Variants in MIER2 observed in about 807,000 individuals in gnomAD.
MIER2 encodes MIER family member 2, also known as mesoderm induction early response protein 2.
Under a neutral mutation model 67.6 loss-of-function variants are expected in MIER2, and 30 were observed. That is an observed-to-expected ratio of 0.44 (90% CI 0.33 to 0.60). The LOEUF (loss-of-function observed/expected upper bound fraction) is 0.60, where lower values mean the gene tolerates loss of function less well. Among genes scored for constraint, MIER2 ranks in the 20% least tolerant of loss-of-function variants. The pLI is 0.02. For synonymous variants in MIER2, 372 were observed against 312.6 expected, an observed-to-expected ratio of 1.19 and a Z score of -2.00; for missense variants, 702 against 745.1, an observed-to-expected ratio of 0.94 and a Z score of 0.67.
chr19:330,555 G>GAAA (rs560773666), intron 3 of MIER2, among the ~76,000 whole-genome samples: 4 of 73,858 alleles, frequency 5.4e-5, no homozygotes, highest in Admixed American at 3.1e-4. Context: ...TCAAAAAAAA[G>GAAA]AAAAAAAAAA....
At chr19:341,210 C>T (rs760372071) in intron 1 of MIER2, among the ~76,000 whole-genome samples, 3 of 152,178 alleles carry the variant, frequency 2.0e-5, no homozygotes, top group East Asian at 1.9e-4. Context: ...TTTCTACTCC[C>T]GCAACCAGGA....
intron 7 of MIER2, among the ~76,000 whole-genome samples, chr19:323,508 AGAC>A (rs1224955663): frequency 2.6e-5 from 4 of 152,048 alleles, no homozygotes; most frequent in African/African-American, 9.7e-5. Context: ...ACAACCACAC[AGAC>A]GACTCAAATG....
chr19:310,685 A>ACAGCCCCG (rs1218284718), intron 10 of MIER2, among the ~76,000 whole-genome samples: 27 of 55,530 alleles, frequency 4.9e-4, no homozygotes, highest in African/African-American at 2.8e-3. Context: ...AACACAGCCC[A>ACAGCCCCG]GAGCTATAGA....
chr19:344,667 A>G (rs1972666055), intron 1 of MIER2, 107 bp downstream of exon 1: 2 of 748,148 alleles, frequency 2.7e-6, no homozygotes, highest in Non-Finnish European at 1.7e-6. Context: ...TCAGAGCTCC[A>G]GAGCGGGGCT....
chr19:307,642 C>CTTT (rs1429979685), intron 12 of MIER2, 106 bp from the exon 13 acceptor site: 4 of 1,189,924 alleles, frequency 3.4e-6, no homozygotes, highest in Non-Finnish European at 4.5e-6. Flanking sequence ...GGATCCCTCC[C>CTTT]CAGAAAAGCC....
chr19:326,523 G>A lies in MIER2; in HGVS notation c.569C>T (p.Ala190Val). Residue 190 changes from alanine to valine, a missense_variant, in exon 6 of 14, where the codon GCC (alanine) becomes GTC (valine). Transcript: ENST00000264819. ...SSDTEEDSLP[A>V]NKCKKEIMVG... ...ACCACGTACCTTCTTACATTTGTTG[G>A]CAGGAAGAGAGTCCTCCTCGGTGTC... The A allele has an allele frequency of 1.2e-6, 2 of 1,613,960 alleles. No individual in the cohort carries two copies. Among genetic ancestry groups the A allele is most frequent in the Non-Finnish European group, 1.7e-6 (2 of 1,179,824 alleles).
chr19:328,557 G>A (rs1360972380), intron 3 of MIER2, among the ~76,000 whole-genome samples: 1 of 152,052 alleles, frequency 6.6e-6, no homozygotes, highest in Non-Finnish European at 1.5e-5. Flanking sequence ...AGACCAGCCT[G>A]GGCAACATGG....
intron 6 of MIER2, among the ~76,000 whole-genome samples, chr19:326,107 G>A (rs1971728559): frequency 6.6e-6 from 1 of 152,272 alleles, no homozygotes; most frequent in African/African-American, 2.4e-5. Flanking sequence ...CGGTTACTGA[G>A]GCCGAGATAC....
In MIER2 at chr19:342,396, G is replaced by A. The variant is rs1047858022; in HGVS notation, c.9+2378C>T. Among the ~76,000 whole-genome samples the A allele has an allele frequency of 3.3e-5, 5 of 151,988 alleles. No individual in the cohort carries two copies. In the South Asian group the frequency reaches 6.3e-4, roughly 19 times the overall value. The stretch of plus-strand genomic sequence containing the variant: ...GGAAGGCCTGGGGGGCCTCAGTCGA[G>A]GTGGAACCATCGTTGGCAGCCCCCA... On this transcript the variant is annotated intron_variant, in intron 1 of 13. Coordinates refer to ENST00000264819, the MANE Select transcript of MIER2 (RefSeq NM_017550.3).
intron 9 of MIER2, 83 bp from the exon 10 acceptor site, chr19:312,022 TCAGCGGCGCCCAGGGCGGGGC>T: frequency 8.2e-6 from 9 of 1,097,938 alleles, no homozygotes; most frequent in East Asian, 9.9e-5. Flanking sequence ...GGGAGAACAG[TCAGCGGCGCCCAGGGCGGGGC>T]CGCAGCGGAA....
intron 12 of MIER2, among the ~76,000 whole-genome samples, chr19:307,998 G>A (rs1166189300): frequency 6.6e-6 from 1 of 152,122 alleles, no homozygotes. Flanking sequence ...AACAAACCAT[G>A]GAAACAACCA....
chr19:307,688 A>C, intron 12 of MIER2, 152 bp from the exon 13 acceptor site: 1 of 840,310 alleles, frequency 1.2e-6, no homozygotes, highest in Non-Finnish European at 1.7e-6. Context: ...TTACACTGAA[A>C]TCCGCGAGCC....
intron 8 of MIER2, 88 bp downstream of exon 8, chr19:313,403 TC>T (rs1568219150): frequency 1.1e-5 from 17 of 1,543,830 alleles, no homozygotes; most frequent in Non-Finnish European, 5.2e-6. Context: ...CCCTCTGCCC[TC>T]CCTGGCCCCT....
chr19:329,036 A>G (rs957219958), intron 3 of MIER2, among the ~76,000 whole-genome samples: 3 of 152,268 alleles, frequency 2.0e-5, no homozygotes, highest in East Asian at 1.9e-4. Flanking sequence ...GTGAGCCTCT[A>G]TTCCACAGAG....
Position 336,096 on chromosome 19 carries a change from C to T in MIER2, c.87G>A (p.Leu29=), listed in dbSNP as rs377493758. 2 of 1,613,646 alleles carry T rather than the reference C, an allele frequency of 1.2e-6. No homozygotes were observed. The highest frequency in any genetic ancestry group is 2.7e-5 in the African/African-American group (2 of 74,946). The change falls in exon 2 of 14, where the codon TTG becomes TTA. Residue 29 remains leucine (L), a synonymous_variant. Coordinates refer to ENST00000264819, the MANE Select transcript of MIER2 (RefSeq NM_017550.3). ...EHSLCPGEPG[L]QTTAVVSMGS... is the part of the protein sequence containing the mutation. ...GGAGGAAGGTACCTGCTGTTGTCTG[C>T]AAGCCCGGCTCCCCTGGGCACAGGC... is the stretch of plus-strand genomic sequence containing the variant.
chr19:308,764 G>T lies in MIER2; in HGVS notation c.1109+37C>A, dbSNP rs1568214657. ...CCACGTGCCCACCCCCGGCGGGGTG[G>T]CCGCCTGTCGTTACTGCTGGGGAGG... On this transcript the variant is annotated intron_variant, in intron 11 of 13. Transcript: ENST00000264819. The surrounding 1 kb of genome is among the most constrained non-coding windows in gnomAD (Gnocchi z 9.1). 6.3e-7 allele frequency: 1 copy of T among 1,593,682 alleles called. No homozygotes were observed. Among genetic ancestry groups the T allele is most frequent in the Non-Finnish European group, 8.6e-7 (1 of 1,165,278 alleles).
chr19:309,657 GACAC>G lies in MIER2; in HGVS notation c.985-736_985-733del, dbSNP rs34219771. Among the ~76,000 whole-genome samples, 131 of 64,480 alleles carry G rather than the reference GACAC, an allele frequency of 2.0e-3. 6 individuals carry two copies. The highest frequency in any genetic ancestry group is 4.1e-3 in the African/African-American group (42 of 10,252). The allele number at this position is 64,480 out of a possible 152,430, so 42.3% of individuals were successfully genotyped here. ...ACAAGGCTTCAGGGAGACGAGAAGG[GACAC>G]ACACACACACACACACACAAGGCTT... On this transcript the variant is annotated intron_variant, in intron 10 of 13. Transcript: ENST00000264819.
intron 7 of MIER2, among the ~76,000 whole-genome samples, chr19:325,122 C>A (rs2145459874): frequency 6.6e-6 from 1 of 152,338 alleles, no homozygotes; most frequent in Non-Finnish European, 1.5e-5. Context: ...AAATGAGACC[C>A]AAGTCAATGG....
In MIER2 at chr19:326,601, T is replaced by G; in HGVS notation, c.494-3A>C. The stretch of plus-strand genomic sequence containing the variant: ...GTCTTCATCAGCCAGGAAACGAGCT[T>G]TGGGAAAACAGAGGCAGGTCCCCCA... On this transcript the variant is annotated splice_region_variant and splice_polypyrimidine_tract_variant and intron_variant, in intron 5 of 13. Transcript: ENST00000264819. 1.2e-6 allele frequency: 2 copies of G among 1,613,738 alleles called. No individual in the cohort carries two copies. Among genetic ancestry groups the G allele is most frequent in the Non-Finnish European group, 1.7e-6 (2 of 1,179,752 alleles).
Sources: gnomAD v4.1 joint callset for allele counts (sites outside exome capture counted in the v4.1 genomes callset) on GRCh38, gnomAD v4.1.1 for gene constraint, Gnocchi (gnomAD v3.1) non-coding constraint, MANE v1.5 for transcripts, NCBI Gene and HGNC (gene_info 2026-07-23, HGNC 2026-07-21) for gene names.